The following GRIK1 variants were observed in gnomAD, a reference collection of about 807,000 sequenced individuals.
GRIK1 encodes glutamate ionotropic receptor kainate type subunit 1.
Under a neutral mutation model 105.7 loss-of-function variants are expected in GRIK1, and 69 were observed. That is an observed-to-expected ratio of 0.65 (90% confidence interval 0.54 to 0.80). The LOEUF is 0.80. Ranked by LOEUF, GRIK1 falls within the 30% of genes least tolerant of loss-of-function variation. GRIK1 has a pLI of 0.00. For synonymous variants in GRIK1, 438 were observed against 431.3 expected (o/e 1.02, Z -0.19); for missense variants, 1,109 against 1,167.3 (o/e 0.95, Z 0.73).
At chr21:29,645,299 A>T (rs2062595035) in intron 6 of GRIK1, among the ~76,000 whole-genome samples, 1 of 152,232 alleles carries the variant, frequency 6.6e-6, no homozygotes, top group South Asian at 2.1e-4. Flanking sequence ...ATTTCACCTC[A>T]TGACCATAGC....
intron 1 of GRIK1, among the ~76,000 whole-genome samples, chr21:29,734,223 C>T (rs1277268923): frequency 6.6e-6 from 1 of 152,142 alleles, no homozygotes; most frequent in Non-Finnish European, 1.5e-5. Flanking sequence ...GGCTACTGGC[C>T]TTCCTTTCTA....
At chr21:29,776,155 A>G (rs2068043596) in intron 1 of GRIK1, among the ~76,000 whole-genome samples, 1 of 152,164 alleles carries the variant, frequency 6.6e-6, no homozygotes, top group African/African-American at 2.4e-5. Flanking sequence ...TCAATGATTC[A>G]ATTACCTCCC....
At chr21:29,614,433 G>A (rs1415621323) in intron 7 of GRIK1, among the ~76,000 whole-genome samples, 3 of 107,302 alleles carry the variant, frequency 2.8e-5, no homozygotes, top group Non-Finnish European at 5.3e-5. Flanking sequence ...TTTTTTTTGG[G>A]ACGGAGTTTC....
chr21:29,722,482 G>A (rs1009503798), intron 1 of GRIK1, among the ~76,000 whole-genome samples: 2 of 151,630 alleles, frequency 1.3e-5, no homozygotes, highest in African/African-American at 2.4e-5. Flanking sequence ...TGTGAACCCG[G>A]GAGGCAGAGC....
At chr21:29,706,458 G>A (rs1319077622) in intron 1 of GRIK1, among the ~76,000 whole-genome samples, 2 of 152,134 alleles carry the variant, frequency 1.3e-5, no homozygotes, top group African/African-American at 4.8e-5. Flanking sequence ...AGTTACCCCA[G>A]AATACAGAAG....
chr21:29,634,040 C>T (rs567326673), intron 7 of GRIK1, among the ~76,000 whole-genome samples: 1 of 152,118 alleles, frequency 6.6e-6, no homozygotes, highest in Non-Finnish European at 1.5e-5. Flanking sequence ...TCAGAGCTTA[C>T]GTTTCACCAG....
chr21:29,561,694 C>G lies in GRIK1; in HGVS notation c.2286G>C (p.Gln762His), dbSNP rs1268190312. 2 of 1,614,158 alleles carry G rather than the reference C, an allele frequency of 1.2e-6. No homozygotes were observed. The highest frequency in any genetic ancestry group is 4.5e-5 in the East Asian group (2 of 44,884). ...MESTSIEYVT[Q>H]RNCNLTQIGG... ...CGATCTGAGTGAGGTTGCAGTTTCT[C>G]TGCGTCACATACTCAATGCTGGTGG... Residue 762 changes from glutamine (Q) to histidine (H), a missense_variant, in exon 15 of 18, where the codon CAG (glutamine) becomes CAC (histidine). By Grantham distance (24) the Gln-to-His change is conservative. Around this residue, in one of 5 missense-constraint regions of GRIK1, gnomAD observed 264 missense variants for 306.9 expected, o/e 0.86. Coordinates refer to ENST00000327783, the MANE Select transcript of GRIK1 (RefSeq NM_001330994.2).
At chr21:29,602,197 A>C (rs2061532140) in intron 7 of GRIK1, among the ~76,000 whole-genome samples, 2 of 152,198 alleles carry the variant, frequency 1.3e-5, no homozygotes, top group African/African-American at 4.8e-5. Context: ...AATCATAGGC[A>C]AGATACCATA....
rs115620136 is a variant in GRIK1 at position 29,652,389 on chromosome 21, G to A, written c.781-1098C>T. On this transcript the variant is annotated intron_variant, in intron 5 of 17. Coordinates refer to ENST00000327783, the MANE Select transcript of GRIK1 (RefSeq NM_001330994.2). Reference sequence around the variant, plus strand: ...GAAAAGAACTCATATCTCATACAACGAGGGCATGAAGAATGTTCGCTGAAC... The same window carrying A: ...GAAAAGAACTCATATCTCATACAACAAGGGCATGAAGAATGTTCGCTGAAC... Among the ~76,000 whole-genome samples the A allele has an allele frequency of 4.7e-4, 72 of 152,242 alleles. No homozygotes were observed. In the East Asian group the frequency reaches 0.011, roughly 23 times the overall value.
chr21:29,745,461 G>A lies in GRIK1; in HGVS notation c.119-51398C>T, dbSNP rs546972772. ...TTAAGCTGCTGCATTTTGGAGAAAAGGCAGATAACTTTGGGTAACTGATAG... is the reference window on the plus strand; with the variant it reads ...TTAAGCTGCTGCATTTTGGAGAAAAAGCAGATAACTTTGGGTAACTGATAG... On this transcript the variant is annotated intron_variant, in intron 1 of 17. Transcript: ENST00000327783. 3.9e-5 allele frequency among the ~76,000 whole-genome samples: 6 copies of A among 152,148 alleles called. No individual in the cohort carries two copies. In the South Asian group the frequency reaches 8.3e-4, roughly 21 times the overall value.
At chr21:29,686,319 A>G (rs1282129354) in intron 3 of GRIK1, among the ~76,000 whole-genome samples, 2 of 152,214 alleles carry the variant, frequency 1.3e-5, no homozygotes, top group African/African-American at 4.8e-5. Context: ...AAATTTGTTT[A>G]TCCAATGAAC....
chr21:29,925,163 G>A (rs991923268), intron 1 of GRIK1, among the ~76,000 whole-genome samples: 1 of 152,162 alleles, frequency 6.6e-6, no homozygotes, highest in Non-Finnish European at 1.5e-5. Context: ...TTTGATCGTA[G>A]GTATGCTATC....
In GRIK1 at chr21:29,580,503, T is replaced by C. The variant is rs146444789; in HGVS notation, c.1912+922A>G. Among the ~76,000 whole-genome samples, 22 of 152,272 alleles carry C rather than the reference T, an allele frequency of 1.4e-4. 2 individuals carry two copies. Among genetic ancestry groups the C allele is most frequent in the African/African-American group, 5.1e-4 (21 of 41,558 alleles). ...ATTTCCACAGTCTCTCTCTCTCTAA[T>C]TTGAAGATCCAAAAGATAAATATTT... On this transcript the variant is annotated intron_variant, in intron 13 of 17. Transcript: ENST00000327783.
At chr21:29,754,867 T>C (rs752322662) in intron 1 of GRIK1, among the ~76,000 whole-genome samples, 1 of 152,190 alleles carries the variant, frequency 6.6e-6, no homozygotes, top group Admixed American at 6.5e-5. Context: ...CCATTCTCTC[T>C]TTTTTAATGG....
chr21:29,844,358 C>T (rs962409136), intron 1 of GRIK1, among the ~76,000 whole-genome samples: 13 of 152,172 alleles, frequency 8.5e-5, no homozygotes, highest in African/African-American at 2.9e-4. Flanking sequence ...AAATTAAACT[C>T]TCAGCTGGGG....
At chr21:29,538,579 T>TAA (rs58400171) in intron 16 of GRIK1, among the ~76,000 whole-genome samples, 87 of 149,884 alleles carry the variant, frequency 5.8e-4, no homozygotes, top group Non-Finnish European at 8.0e-4. Flanking sequence ...TTTATCACAA[T>TAA]AAAAAAAAAA....
intron 1 of GRIK1, among the ~76,000 whole-genome samples, chr21:29,830,768 C>A (rs1365971977): frequency 6.6e-6 from 1 of 151,934 alleles, no homozygotes; most frequent in African/African-American, 2.4e-5. Flanking sequence ...TCAGATATTA[C>A]AAGTTTGTAA....
chr21:29,601,721 T>C (rs1027354109), intron 7 of GRIK1, among the ~76,000 whole-genome samples: 1 of 152,236 alleles, frequency 6.6e-6, no homozygotes, highest in African/African-American at 2.4e-5. Context: ...CTGACCAGTA[T>C]TGCTTGTGTT....
chr21:29,921,967 A>G (rs2071207997), intron 1 of GRIK1, among the ~76,000 whole-genome samples: 1 of 152,154 alleles, frequency 6.6e-6, no homozygotes, highest in African/African-American at 2.4e-5. Context: ...ATAGCATCCT[A>G]AAGTAGTCCT....
Sources: allele counts gnomAD v4.1 joint callset (sites outside exome capture counted in the v4.1 genomes callset), GRCh38; gene constraint gnomAD v4.1.1; regional missense constraint gnomAD v4.1.1; transcripts MANE v1.5; gene names NCBI Gene and HGNC (gene_info 2026-07-23, HGNC 2026-07-21).